CD247: variants seen among roughly 807,000 people sequenced by gnomAD.
CD247 encodes CD247 molecule.
In CD247, 13 loss-of-function variants were observed where a neutral mutation model predicts 30.0. The observed-to-expected ratio is 0.43, with a 90% CI of 0.28 to 0.69. The LOEUF is 0.69. Among genes scored for constraint, CD247 ranks in the 30% least tolerant of loss-of-function variants. CD247 has a pLI of 0.16. For missense variants in CD247, 193 were observed against 212.6 expected (o/e 0.91, Z 0.57); for synonymous variants, 72 against 80.0 (o/e 0.90, Z 0.53).
At chr1:167,479,968 A>G (rs1653909100) in intron 1 of CD247, among the ~76,000 whole-genome samples, 2 of 152,306 alleles carry the variant, frequency 1.3e-5, no homozygotes, top group African/African-American at 4.8e-5. Context: ...CATATGCCCC[A>G]GACCAAAACA....
intron 1 of CD247, among the ~76,000 whole-genome samples, chr1:167,447,979 G>A (rs1253108814): frequency 7.1e-6 from 1 of 141,572 alleles, no homozygotes; most frequent in Admixed American, 7.0e-5. Flanking sequence ...GGGGGGTGGG[G>A]GCGGTGTCTG....
chr1:167,437,484 C>G (rs1651604207), intron 4 of CD247, among the ~76,000 whole-genome samples: 1 of 151,274 alleles, frequency 6.6e-6, no homozygotes. Flanking sequence ...AAAGAATGAA[C>G]AGATAAAGAG....
At chr1:167,441,423 G>T (rs1012186976) in intron 1 of CD247, among the ~76,000 whole-genome samples, 4 of 151,964 alleles carry the variant, frequency 2.6e-5, no homozygotes, top group Non-Finnish European at 5.9e-5. Context: ...TCCCCACCTA[G>T]GCCCAGCATC....
intron 1 of CD247, among the ~76,000 whole-genome samples, chr1:167,455,756 C>T (rs927214754): frequency 6.6e-6 from 1 of 152,204 alleles, no homozygotes; most frequent in African/African-American, 2.4e-5. Flanking sequence ...CTGCGCCGGG[C>T]TCCGGCGCTG....
Position 167,463,155 on chromosome 1 carries a change from G to A in CD247, c.59-22388C>T, listed in dbSNP as rs117982917. 2.2e-3 allele frequency among the ~76,000 whole-genome samples: 332 copies of A among 152,234 alleles called. 2 individuals are homozygous for A. The highest frequency in any genetic ancestry group is 0.02 in the East Asian group (103 of 5,164). On this transcript the variant is annotated intron_variant, in intron 1 of 7. Transcript: ENST00000362089. Reference sequence around the variant, plus strand: ...TTGCCACTGAGCATGGGTTGCTCTCGGCTGGTTAGCATAGGAGGTCACACT... The same window carrying A: ...TTGCCACTGAGCATGGGTTGCTCTCAGCTGGTTAGCATAGGAGGTCACACT...
intron 1 of CD247, among the ~76,000 whole-genome samples, chr1:167,499,969 A>G (rs1374179970): frequency 1.3e-5 from 2 of 152,210 alleles, no homozygotes; most frequent in East Asian, 3.8e-4. Context: ...TCACCTGACG[A>G]CAATCACACA....
intron 3 of CD247, 52 bp downstream of exon 3, chr1:167,439,292 G>A: frequency 1.9e-6 from 3 of 1,545,568 alleles, no homozygotes; most frequent in South Asian, 1.1e-5. Flanking sequence ...CCCTAGGTCC[G>A]AGGAGGAGGC....
intron 1 of CD247, among the ~76,000 whole-genome samples, chr1:167,441,789 T>C (rs921716384): frequency 6.6e-6 from 1 of 152,242 alleles, no homozygotes; most frequent in Non-Finnish European, 1.5e-5. Flanking sequence ...AGAATGCAGA[T>C]ACACTAAATA....
rs748754417 is a variant in CD247 at position 167,438,661 on chromosome 1, T to C, written c.220-11A>G. The C allele has an allele frequency of 6.2e-6, 10 of 1,606,314 alleles. 1 individual carries two copies. In the South Asian group the frequency reaches 8.8e-5, roughly 14 times the overall value. On this transcript the variant is annotated splice_polypyrimidine_tract_variant and intron_variant, in intron 3 of 7. Transcript: ENST00000362089. ...TCCTAGATTGAGCTCCTATAACAGA[T>C]AAGAAAGTGTCAGACACAGGACGGA...
At chr1:167,462,385 G>A (rs1327730160) in intron 1 of CD247, among the ~76,000 whole-genome samples, 1 of 152,224 alleles carries the variant, frequency 6.6e-6, no homozygotes, top group Admixed American at 6.5e-5. Context: ...GTGGTTTAGG[G>A]AACAGGCCGC....
At chr1:167,479,733 G>C (rs997968463) in intron 1 of CD247, among the ~76,000 whole-genome samples, 2 of 152,066 alleles carry the variant, frequency 1.3e-5, no homozygotes, top group Non-Finnish European at 1.5e-5. Flanking sequence ...CCCTCTCCCT[G>C]TCTGGACTGC....
At chr1:167,500,762 A>G (rs1473263363) in intron 1 of CD247, among the ~76,000 whole-genome samples, 7 of 152,226 alleles carry the variant, frequency 4.6e-5, no homozygotes. Flanking sequence ...CAGCTCAATC[A>G]CATTTGGTTT....
At chr1:167,459,314 A>G (rs1040621771) in intron 1 of CD247, among the ~76,000 whole-genome samples, 25 of 150,628 alleles carry the variant, frequency 1.7e-4, no homozygotes, top group African/African-American at 5.9e-4. Flanking sequence ...GGTTCAAGAA[A>G]TACACTACTT....
chr1:167,486,413 T>C (rs934897907), intron 1 of CD247, among the ~76,000 whole-genome samples: 1 of 152,198 alleles, frequency 6.6e-6, no homozygotes, highest in African/African-American at 2.4e-5. Flanking sequence ...TTTCGGAGTG[T>C]TGTTGTGAAG....
intron 1 of CD247, among the ~76,000 whole-genome samples, chr1:167,490,064 C>A (rs1352461199): frequency 6.6e-6 from 1 of 151,204 alleles, no homozygotes; most frequent in Admixed American, 6.6e-5. Flanking sequence ...AACTGTGGAG[C>A]GCTCATCTTT....
At chr1:167,435,990 C>T (rs978567955) in intron 4 of CD247, among the ~76,000 whole-genome samples, 4 of 152,208 alleles carry the variant, frequency 2.6e-5, no homozygotes, top group African/African-American at 9.7e-5. Context: ...GATGGACAGG[C>T]GTGACCACTG....
chr1:167,507,145 C>T (rs1233406263), intron 1 of CD247, among the ~76,000 whole-genome samples: 4 of 151,842 alleles, frequency 2.6e-5, no homozygotes, highest in South Asian at 2.1e-4. Flanking sequence ...TCTCAAACTC[C>T]GGACCCTGGG....
intron 4 of CD247, among the ~76,000 whole-genome samples, chr1:167,437,422 C>G (rs1651601813): frequency 6.7e-6 from 1 of 149,132 alleles, no homozygotes; most frequent in South Asian, 2.1e-4. Flanking sequence ...AAAAAGAAAA[C>G]AAAACAAAAG....
intron 4 of CD247, among the ~76,000 whole-genome samples, chr1:167,436,852 A>C (rs1651565020): frequency 6.6e-6 from 1 of 152,208 alleles, no homozygotes; most frequent in African/African-American, 2.4e-5. Flanking sequence ...ATGGAGAGAA[A>C]AGGAAACCCT....
Sources: gnomAD v4.1 joint callset for allele counts (sites outside exome capture counted in the v4.1 genomes callset) on GRCh38, gnomAD v4.1.1 for gene constraint, MANE v1.5 for transcripts, NCBI Gene and HGNC (gene_info 2026-07-23, HGNC 2026-07-21) for gene names.